EPB41L3: variants seen among roughly 807,000 people sequenced by gnomAD.
The protein encoded by EPB41L3 is band 4.1-like protein 3.
A neutral mutation model predicts 127.1 loss-of-function variants in EPB41L3; 57 were observed. The observed-to-expected ratio is 0.45, with a 90% CI of 0.36 to 0.56. The LOEUF (loss-of-function observed/expected upper bound fraction) is 0.56, where lower values mean the gene tolerates loss of function less well. EPB41L3 is among the 20% of genes least tolerant of loss of function. The probability of loss-of-function intolerance (pLI) is 0.00; values close to 1 mark genes in which losing one functional copy is unlikely to be tolerated. For synonymous variants in EPB41L3, 572 were observed against 549.5 expected (o/e 1.04, Z -0.57); for missense variants, 1,273 against 1,372.2 (o/e 0.93, Z 1.14).
intron 1 of EPB41L3, among the ~76,000 whole-genome samples, chr18:5,512,470 C>T (rs1172752502): frequency 2.6e-5 from 4 of 151,990 alleles, no homozygotes; most frequent in Admixed American, 2.0e-4. Context: ...GCGATCTGAC[C>T]GCAAAGGGAA....
intron 1 of EPB41L3, chr18:5,540,347 T>C: frequency 1.0e-6 from 1 of 985,408 alleles, no homozygotes; most frequent in Non-Finnish European, 1.2e-6. Context: ...TACCTCGCAA[T>C]GCAGTTCAAC....
intron 1 of EPB41L3, among the ~76,000 whole-genome samples, chr18:5,625,544 A>AC (rs1299239187): frequency 6.6e-6 from 1 of 152,226 alleles, no homozygotes. Flanking sequence ...GTTTGAGATG[A>AC]CTGGGGAATA....
At chr18:5,396,097 T>G in intron 19 of EPB41L3, 104 bp downstream of exon 19, 1 of 1,404,840 alleles carries the variant, frequency 7.1e-7, no homozygotes. Context: ...TGCTGGATCC[T>G]CTAAGTCTCA....
At chr18:5,447,709 G>A (rs1267538711) in intron 3 of EPB41L3, among the ~76,000 whole-genome samples, 2 of 152,080 alleles carry the variant, frequency 1.3e-5, no homozygotes, top group African/African-American at 4.8e-5. Context: ...CCACTTTCTG[G>A]CTGCTGTGTT....
intron 1 of EPB41L3, among the ~76,000 whole-genome samples, chr18:5,508,947 T>C (rs2092376095): frequency 2.0e-5 from 3 of 152,098 alleles, no homozygotes; most frequent in Non-Finnish European, 4.4e-5. Flanking sequence ...TTCTAATCAA[T>C]GCCATCTGCC....
At chr18:5,575,468 T>C (rs1023201187) in intron 3 of EPB41L3, among the ~76,000 whole-genome samples, 1 of 152,134 alleles carries the variant, frequency 6.6e-6, no homozygotes, top group African/African-American at 2.4e-5. Flanking sequence ...GCTCCTTCTC[T>C]TGCCATGTGA....
intron 1 of EPB41L3, among the ~76,000 whole-genome samples, chr18:5,533,729 TACTC>T (rs1405869351): frequency 6.6e-6 from 1 of 152,220 alleles, no homozygotes; most frequent in Non-Finnish European, 1.5e-5. Context: ...CTTAGATTCT[TACTC>T]AACCATTCTG....
At chr18:5,560,863 C>T (rs2094115283) in intron 3 of EPB41L3, among the ~76,000 whole-genome samples, 1 of 152,106 alleles carries the variant, frequency 6.6e-6, no homozygotes, top group Non-Finnish European at 1.5e-5. Context: ...AAGCACCAGG[C>T]TTCTAAAAGA....
rs537747052 is a variant in EPB41L3, at chr18:5,568,667, C to T, written c.-306+43673G>A. ...GAAGTTCCAGTAACTTTCCCCAAGG[C>T]ATCCTCCTAGCAATAGATATTCAAA... On this transcript the variant is annotated intron_variant, in intron 3 of 21. Transcript: ENST00000545076. 1.2e-4 allele frequency among the ~76,000 whole-genome samples: 19 copies of T among 152,276 alleles called. No homozygotes were observed. In the South Asian group the frequency reaches 3.7e-3, roughly 30 times the overall value.
At position 5,489,069 on chromosome 18, in the gene EPB41L3, C is replaced by T. The variant is rs1214375007; in HGVS notation, c.115G>A (p.Glu39Lys). 6.3e-7 allele frequency: 1 copy of T among 1,595,498 alleles called. No individual in the cohort carries two copies. Among genetic ancestry groups the T allele is most frequent in the Middle Eastern group, 2.3e-4 (1 of 4,402 alleles). Residue 39 changes from glutamate to lysine, a missense_variant, in exon 2 of 23, where the codon GAG (glutamate) becomes AAG (lysine). Glu to Lys is a moderately conservative substitution (Grantham distance 56, BLOSUM62 1). Transcript: ENST00000341928. ...AGAPVPEPPK[E>K]EQQQALEQFA... ...TGCTCCAGGGCCTGCTGCTGCTCCT[C>T]CTTGGGCGGCTCCGGCACGGGCGCC... is the stretch of plus-strand genomic sequence containing the variant.
At chr18:5,566,732 CT>C (rs2094205018) in intron 3 of EPB41L3, among the ~76,000 whole-genome samples, 1 of 84,320 alleles carries the variant, frequency 1.2e-5, no homozygotes. Context: ...CCATTCTATT[CT>C]ATTCTATTCT....
At chr18:5,578,837 T>C (rs966489391) in intron 3 of EPB41L3, among the ~76,000 whole-genome samples, 1 of 152,194 alleles carries the variant, frequency 6.6e-6, no homozygotes, top group East Asian at 1.9e-4. Context: ...GGCAACCACT[T>C]TGGAAAACAA....
In EPB41L3 at chr18:5,471,507, C is replaced by A. The variant is rs574982772; in HGVS notation, c.381+6734G>T. Among the ~76,000 whole-genome samples, 7 of 152,278 alleles carry A rather than the reference C, an allele frequency of 4.6e-5. No individual in the cohort carries two copies. In the South Asian group the frequency reaches 1.5e-3, roughly 32 times the overall value. On this transcript the variant is annotated intron_variant, in intron 3 of 22. Coordinates refer to ENST00000341928, the MANE Select transcript of EPB41L3 (RefSeq NM_012307.5). Reference sequence around the variant, plus strand: ...AATCTTAGTCACAGGATGGTGAAAACTAGAAAACTTGGAATATTTTCAGAC... The same window carrying A: ...AATCTTAGTCACAGGATGGTGAAAAATAGAAAACTTGGAATATTTTCAGAC...
At chr18:5,475,262 A>T (rs2086942180) in intron 3 of EPB41L3, among the ~76,000 whole-genome samples, 1 of 152,230 alleles carries the variant, frequency 6.6e-6, no homozygotes, top group Admixed American at 6.5e-5. Context: ...GAAAGTGTTC[A>T]AATAAATTAG....
At chr18:5,537,230 G>A (rs1338842415) in intron 1 of EPB41L3, among the ~76,000 whole-genome samples, 1 of 152,150 alleles carries the variant, frequency 6.6e-6, no homozygotes, top group Non-Finnish European at 1.5e-5. Flanking sequence ...TGTATTGTTA[G>A]ACTATATTTT....
At chr18:5,436,216 A>G (rs1372057865) in intron 6 of EPB41L3, among the ~76,000 whole-genome samples, 1 of 152,106 alleles carries the variant, frequency 6.6e-6, no homozygotes, top group East Asian at 1.9e-4. Flanking sequence ...TGTATATAAG[A>G]AATGAACTGT....
chr18:5,533,697 T>C (rs1000813874), intron 1 of EPB41L3, among the ~76,000 whole-genome samples: 1 of 152,218 alleles, frequency 6.6e-6, no homozygotes, highest in African/African-American at 2.4e-5. Context: ...ACTGAAGACA[T>C]ATTAAGAGCT....
chr18:5,404,059 A>G (rs1255023019), intron 16 of EPB41L3, among the ~76,000 whole-genome samples: 3 of 152,158 alleles, frequency 2.0e-5, no homozygotes, highest in Admixed American at 2.0e-4. Flanking sequence ...CAGGGCCCTC[A>G]ATTGGAGTAT....
intron 8 of EPB41L3, among the ~76,000 whole-genome samples, chr18:5,430,186 T>C (rs2078795081): frequency 6.6e-6 from 1 of 152,232 alleles, no homozygotes; most frequent in Admixed American, 6.5e-5. Context: ...CGATGCCTCC[T>C]CTTCTTGTCC....
Sources: gnomAD v4.1 joint callset for allele counts (sites outside exome capture counted in the v4.1 genomes callset) on GRCh38, gnomAD v4.1.1 for gene constraint, MANE v1.5 for transcripts, NCBI Gene and HGNC (gene_info 2026-07-23, HGNC 2026-07-21) for gene names.